Variants in GUCY2F observed in about 807,000 individuals in gnomAD.
The protein encoded by GUCY2F is retinal guanylyl cyclase 2.
GUCY2F carries 61 observed loss-of-function variants against 73.1 expected under a neutral mutation model. That is an observed-to-expected ratio of 0.83 (90% CI 0.68 to 1.03). GUCY2F has a LOEUF of 1.03. Among genes scored for constraint, GUCY2F ranks in the 50% least tolerant of loss-of-function variants. The probability of loss-of-function intolerance (pLI) is 0.00; values close to 1 mark genes in which losing one functional copy is unlikely to be tolerated. For missense variants in GUCY2F, 912 were observed against 854.3 expected (o/e 1.07, Z -0.84); for synonymous variants, 331 against 307.8 (o/e 1.08, Z -0.79).
At chrX:109,418,872 G>GA (rs1931303487) in intron 8 of GUCY2F, among the ~76,000 whole-genome samples, 1 of 109,498 alleles carries the variant, frequency 9.1e-6, no homozygotes, top group Non-Finnish European at 1.9e-5. Context: ...AAGACAAAAA[G>GA]AAAAAGAAAA....
intron 15 of GUCY2F, among the ~76,000 whole-genome samples, chrX:109,386,048 C>A (rs946277601): frequency 9.0e-6 from 1 of 111,139 alleles, no homozygotes; most frequent in African/African-American, 3.3e-5. Flanking sequence ...GTGATCCCCC[C>A]ACCTCGGCCT....
At chrX:109,442,236 T>C (rs1439113943) in intron 6 of GUCY2F, among the ~76,000 whole-genome samples, 1 of 111,852 alleles carries the variant, frequency 8.9e-6, no homozygotes, top group East Asian at 2.8e-4. Flanking sequence ...GTATCTTCAA[T>C]TGAACCAGTA....
intron 10 of GUCY2F, among the ~76,000 whole-genome samples, chrX:109,399,878 G>T (rs1007009743): frequency 1.1e-4 from 12 of 109,046 alleles, no homozygotes; most frequent in African/African-American, 4.0e-4. Context: ...GTGGGGGGAT[G>T]CCGGGTGGTG....
chrX:109,428,083 T>G (rs190168420), intron 8 of GUCY2F, among the ~76,000 whole-genome samples: 15 of 112,328 alleles, frequency 1.3e-4, no homozygotes, highest in Admixed American at 2.8e-4. Flanking sequence ...TAATAAAATG[T>G]CAACCAGTAA....
chrX:109,475,066 G>C, intron 2 of GUCY2F, 141 bp downstream of exon 2: 1 of 556,617 alleles, frequency 1.8e-6, no homozygotes, highest in Non-Finnish European at 2.9e-6. Context: ...CTTGGGACCT[G>C]TGTGTGAGTG....
At chrX:109,481,311 G>A (rs1013128400) in intron 1 of GUCY2F, among the ~76,000 whole-genome samples, 1 of 112,182 alleles carries the variant, frequency 8.9e-6, no homozygotes, top group African/African-American at 3.2e-5. Context: ...TGGGGCCATT[G>A]CCTAGGTTAC....
chrX:109,476,078 C>A, intron 1 of GUCY2F, 57 bp from the exon 2 acceptor site: 25 of 406,766 alleles, frequency 6.1e-5, no homozygotes, highest in Non-Finnish European at 9.3e-5. Flanking sequence ...TTCTGGAAAT[C>A]ATCGGTTGTG....
At chrX:109,411,582 T>C (rs774846329) in intron 8 of GUCY2F, among the ~76,000 whole-genome samples, 1 of 112,034 alleles carries the variant, frequency 8.9e-6, no homozygotes, top group South Asian at 3.8e-4. Flanking sequence ...GGCTCAGATT[T>C]TGGGGAATCT....
Position 109,465,293 on chromosome X carries a change from G to T in GUCY2F, c.881C>A (p.Pro294His), listed in dbSNP as rs1018368698. The T allele has an allele frequency of 1.3e-5, 16 of 1,209,932 alleles. No individual in the cohort carries two copies. In the East Asian group the frequency reaches 4.7e-4, roughly 36 times the overall value. ...TGGGTTGTTCCTTAGGACCCGGTAG[G>T]GGGTGTGCTTATAAGGTAAACTGTA... ...LLYSLPYKHT[P>H]YRVLRNNPKL... is the part of the protein sequence containing the mutation. The change falls in exon 3 of 20, where the codon CCC becomes CAC. Residue 294 changes from proline to histidine, a missense_variant. Physicochemically the swap from Pro to His is moderately conservative, Grantham distance 77 (BLOSUM62 -2). Coordinates refer to ENST00000218006, the MANE Select transcript of GUCY2F (RefSeq NM_001522.3).
At chrX:109,407,810 G>A (rs1931010201) in intron 9 of GUCY2F, among the ~76,000 whole-genome samples, 1 of 113,471 alleles carries the variant, frequency 8.8e-6, no homozygotes, top group South Asian at 3.6e-4. Context: ...ACAGAAGTCA[G>A]GAACTGAGGT....
At chrX:109,412,966 A>G (rs1312737147) in intron 8 of GUCY2F, among the ~76,000 whole-genome samples, 1 of 112,400 alleles carries the variant, frequency 8.9e-6, no homozygotes, top group Non-Finnish European at 1.9e-5. Flanking sequence ...GAAGAGAGTC[A>G]CCTGCCAACA....
chrX:109,430,490 A>G, intron 7 of GUCY2F, 94 bp from the exon 8 acceptor site: 1 of 529,681 alleles, frequency 1.9e-6, no homozygotes, highest in East Asian at 3.4e-5. Context: ...TTATACCTAT[A>G]CCAGCAATCC....
chrX:109,464,106 T>C (rs1427922440), intron 3 of GUCY2F, among the ~76,000 whole-genome samples: 2 of 112,543 alleles, frequency 1.8e-5, no homozygotes, highest in Non-Finnish European at 3.8e-5. Context: ...TAAGTACTTT[T>C]GAAAATGTCT....
intron 8 of GUCY2F, among the ~76,000 whole-genome samples, 199 bp from the exon 9 acceptor site, chrX:109,409,367 G>C (rs1931052887): frequency 9.0e-6 from 1 of 111,597 alleles, no homozygotes; most frequent in South Asian, 3.8e-4. Context: ...GAGATTATCA[G>C]GGTGAGCCTA....
intron 12 of GUCY2F, among the ~76,000 whole-genome samples, chrX:109,394,354 T>C (rs1930651813): frequency 8.9e-6 from 1 of 112,266 alleles, no homozygotes; most frequent in Non-Finnish European, 1.9e-5. Context: ...TCATGGTCCT[T>C]CGCCTCTTCC....
chrX:109,452,196 T>A, intron 4 of GUCY2F, 89 bp from the exon 5 acceptor site: 1 of 572,553 alleles, frequency 1.7e-6, no homozygotes, highest in Non-Finnish European at 3.0e-6. Context: ...TCATGCTTTC[T>A]GGTGACTCTA....
chrX:109,447,681 G>A (rs1448557325), intron 6 of GUCY2F, among the ~76,000 whole-genome samples: 2 of 106,057 alleles, frequency 1.9e-5, no homozygotes, highest in African/African-American at 6.9e-5. Flanking sequence ...TGTAAATGAC[G>A]AGTTAATGGG....
intron 16 of GUCY2F, 90 bp from the exon 17 acceptor site, chrX:109,382,302 A>G (rs1363614024): frequency 2.2e-5 from 12 of 549,716 alleles, no homozygotes; most frequent in Non-Finnish European, 1.9e-5. Flanking sequence ...CTTCACTTGT[A>G]AATGAACTAG....
rs766525457 is a variant in GUCY2F, at chrX:109,451,105, T to C, written c.1472+918A>G. Among the ~76,000 whole-genome samples the C allele has an allele frequency of 7.2e-5, 8 of 111,798 alleles. No homozygotes were observed. The South Asian group carries it at 2.3e-3, about 32-fold the overall frequency. ...AATGATGTGGTTTGCAGGGTAGCAA[T>C]GGGAAAATGGGATGGTTATAATTTA... On this transcript the variant is annotated intron_variant, in intron 5 of 19. Coordinates refer to ENST00000218006, the MANE Select transcript of GUCY2F (RefSeq NM_001522.3).
Sources: gnomAD v4.1 joint callset for allele counts (sites outside exome capture counted in the v4.1 genomes callset) on GRCh38, gnomAD v4.1.1 for gene constraint, MANE v1.5 for transcripts, NCBI Gene and HGNC (gene_info 2026-07-23, HGNC 2026-07-21) for gene names.